The following DNAH14 variants were observed in gnomAD, a reference collection of about 807,000 sequenced individuals.
The protein encoded by DNAH14 is dynein axonemal heavy chain 14.
DNAH14 carries 478 observed loss-of-function variants against 520.9 expected under a neutral mutation model. That is an observed-to-expected ratio of 0.92 (90% CI 0.85 to 0.99). The LOEUF (loss-of-function observed/expected upper bound fraction) is 0.99. Ranked by LOEUF, DNAH14 falls within the 50% of genes least tolerant of loss-of-function variation. The pLI is 0.00. For missense variants in DNAH14, 4,831 were observed against 5,234.5 expected (o/e 0.92, Z 2.38); for synonymous variants, 1,581 against 1,757.2 (o/e 0.90, Z 2.51).
chr1:225,249,995 T>C (rs2092471268), intron 43 of DNAH14, among the ~76,000 whole-genome samples: 1 of 152,242 alleles, frequency 6.6e-6, no homozygotes, highest in Non-Finnish European at 1.5e-5. Context: ...GACATTTAGA[T>C]TGTTTAAAGT....
chr1:225,104,926 A>G (rs987347722), intron 23 of DNAH14, among the ~76,000 whole-genome samples: 9 of 152,096 alleles, frequency 5.9e-5, no homozygotes, highest in African/African-American at 2.2e-4. Context: ...GCCTTCTGCA[A>G]GCTTTTGAAT....
intron 41 of DNAH14, among the ~76,000 whole-genome samples, chr1:225,218,963 C>G (rs944262153): frequency 5.3e-5 from 8 of 152,172 alleles, no homozygotes; most frequent in African/African-American, 1.9e-4. Context: ...TCTCTCAGAC[C>G]ACAGTGCAAT....
At chr1:224,947,100 T>G (rs2059894433) in intron 1 of DNAH14, among the ~76,000 whole-genome samples, 1 of 151,904 alleles carries the variant, frequency 6.6e-6, no homozygotes, top group Non-Finnish European at 1.5e-5. Flanking sequence ...GTATTTTGAG[T>G]AGAGACGGGG....
chr1:225,303,274 G>A lies in DNAH14; in HGVS notation c.8750G>A (p.Arg2917Lys). 1 of 1,551,482 alleles carries A rather than the reference G, an allele frequency of 6.4e-7. No homozygotes were observed. Among genetic ancestry groups the A allele is most frequent in the Non-Finnish European group, 8.7e-7 (1 of 1,146,836 alleles). ...ISSCTIDWYE[R>K]WPEEALLIVA... The stretch of plus-strand genomic sequence containing the variant: ...TCCTGCACGATCGATTGGTATGAGA[G>A]GTGGCCAGAAGAAGCTCTCCTTATT... The change falls in exon 57 of 86, where the codon AGG becomes AAG. Residue 2917 changes from arginine to lysine, a missense_variant. Arg to Lys is a conservative substitution (Grantham distance 26). Coordinates refer to ENST00000682510, the MANE Select transcript of DNAH14 (RefSeq NM_001367479.1).
In DNAH14 at chr1:225,064,100, C is replaced by T. The variant is rs922205256; in HGVS notation, c.2424+12305C>T. Among the ~76,000 whole-genome samples, 7 of 151,918 alleles carry T rather than the reference C, an allele frequency of 4.6e-5. No homozygotes were observed. In the South Asian group the frequency reaches 6.2e-4, roughly 14 times the overall value. ...CCAGACAAAGTACCAATAAAAATAA[C>T]AAGACAACCCAGTAAAAAGTGGGCA... is the stretch of plus-strand genomic sequence containing the variant. On this transcript the variant is annotated intron_variant, in intron 17 of 85. Transcript: ENST00000682510.
rs1479152005 is a variant in DNAH14 at position 225,157,011 on chromosome 1, G to A, written c.5274-2303G>A. Reference sequence around the variant, plus strand: ...ATTACAGGCGTGAGCCACCGCGCCCGGCCTTAAAATTCTTAATCACCTCTT... The same window carrying A: ...ATTACAGGCGTGAGCCACCGCGCCCAGCCTTAAAATTCTTAATCACCTCTT... On this transcript the variant is annotated intron_variant, in intron 34 of 85. Coordinates refer to ENST00000682510, the MANE Select transcript of DNAH14 (RefSeq NM_001367479.1). Among the ~76,000 whole-genome samples, 3 of 109,332 alleles carry A rather than the reference G, an allele frequency of 2.7e-5. 1 individual carries two copies. The highest frequency in any genetic ancestry group is 9.5e-4 in the East Asian group (2 of 2,110). 71.7% of individuals were successfully genotyped at this position (109,332 alleles called of 152,430 possible).
chr1:225,331,546 C>T lies in DNAH14; in HGVS notation c.9833C>T (p.Ser3278Leu), dbSNP rs750868894. The T allele has an allele frequency of 1.3e-4, 202 of 1,551,382 alleles. No homozygotes were observed. Among genetic ancestry groups the T allele is most frequent in the Non-Finnish European group, 1.7e-4 (194 of 1,146,880 alleles). ...TMASRRFQCA[S>L]VLLTVLEDEK... ...GCCAGCAGGCGCTTTCAGTGTGCGTCAGTCTTACTAACTGTCCTGGAAGAT... is the reference window on the plus strand; with the variant it reads ...GCCAGCAGGCGCTTTCAGTGTGCGTTAGTCTTACTAACTGTCCTGGAAGAT... The change falls in exon 65 of 86, where the codon TCA becomes TTA. Residue 3278 changes from serine (S) to leucine (L), a missense_variant. Transcript: ENST00000682510.
intron 12 of DNAH14, among the ~76,000 whole-genome samples, chr1:225,039,222 T>C (rs1445300479): frequency 6.6e-6 from 1 of 152,156 alleles, no homozygotes; most frequent in East Asian, 1.9e-4. Context: ...TTGTATGCTA[T>C]TTTACATAGG....
intron 10 of DNAH14, among the ~76,000 whole-genome samples, chr1:225,015,954 A>T (rs7537947): frequency 0.069 from 10,527 of 152,194 alleles, 1,178 homozygotes; most frequent in African/African-American, 0.24. Context: ...GAGAGGTCTC[A>T]TGTAGCTTTG....
At chr1:225,014,216 C>A (rs2065034252) in intron 10 of DNAH14, among the ~76,000 whole-genome samples, 1 of 152,176 alleles carries the variant, frequency 6.6e-6, no homozygotes. Flanking sequence ...AGGGAGTTCC[C>A]TGACCTCTTG....
chr1:224,960,688 A>AT (rs2125557194), intron 4 of DNAH14, among the ~76,000 whole-genome samples: 1 of 152,132 alleles, frequency 6.6e-6, no homozygotes, highest in South Asian at 2.1e-4. Context: ...ATTTAAATAG[A>AT]TTTTCTTCCA....
chr1:225,260,093 G>A (rs1460708702), intron 46 of DNAH14, among the ~76,000 whole-genome samples: 1 of 152,084 alleles, frequency 6.6e-6, no homozygotes, highest in African/African-American at 2.4e-5. Context: ...TTTCACGCCT[G>A]TAATCCCAGC....
rs530466318 is a variant in DNAH14 at position 224,961,030 on chromosome 1, T to G, written c.367+728T>G. The G allele has an allele frequency of 9.8e-5, 15 of 152,342 alleles. No homozygotes were observed. In the South Asian group the frequency reaches 3.1e-3, roughly 32 times the overall value. The allele number at this position is 152,342 out of a possible 1,614,324, so 9.4% of individuals were successfully genotyped here. On this transcript the variant is annotated intron_variant, in intron 4 of 85. Coordinates refer to ENST00000682510, the MANE Select transcript of DNAH14 (RefSeq NM_001367479.1). ...GTGACTGCTTCTAACTAATAGGTGA[T>G]GGGTTGTCACTGCTGTGATCATATT...
intron 29 of DNAH14, among the ~76,000 whole-genome samples, chr1:225,145,011 G>T (rs1002972865): frequency 6.6e-6 from 1 of 152,018 alleles, no homozygotes; most frequent in Non-Finnish European, 1.5e-5. Context: ...GAAAGACAGA[G>T]AAAAGCAGTA....
intron 36 of DNAH14, among the ~76,000 whole-genome samples, chr1:225,180,478 G>A (rs550341885): frequency 4.0e-4 from 61 of 152,316 alleles, no homozygotes; most frequent in Admixed American, 2.8e-3. Flanking sequence ...TCCACACATG[G>A]CAGAAAGTGA....
chr1:225,148,762 C>T (rs936855271), intron 31 of DNAH14, among the ~76,000 whole-genome samples: 7 of 152,144 alleles, frequency 4.6e-5, no homozygotes. Flanking sequence ...AGTGTCCCTT[C>T]ATGTCCTTTG....
At chr1:225,195,785 C>CA (rs1239542816) in intron 38 of DNAH14, among the ~76,000 whole-genome samples, 1 of 151,110 alleles carries the variant, frequency 6.6e-6, no homozygotes, top group Non-Finnish European at 1.5e-5. Context: ...AGCTATTATT[C>CA]AAAAAAAAGT....
At chr1:225,244,463 A>G (rs1036101362) in intron 43 of DNAH14, among the ~76,000 whole-genome samples, 4 of 151,954 alleles carry the variant, frequency 2.6e-5, no homozygotes, top group African/African-American at 7.2e-5. Flanking sequence ...TAGAATTTGG[A>G]TGTGAATCCA....
At chr1:225,151,183 CAT>C (rs1034963042) in intron 31 of DNAH14, among the ~76,000 whole-genome samples, 4 of 152,146 alleles carry the variant, frequency 2.6e-5, no homozygotes, top group Admixed American at 1.3e-4. Context: ...TTTTAATACT[CAT>C]ATGATTTATG....
Sources: gnomAD v4.1 joint callset for allele counts (sites outside exome capture counted in the v4.1 genomes callset) on GRCh38, gnomAD v4.1.1 for gene constraint, MANE v1.5 for transcripts, NCBI Gene and HGNC (gene_info 2026-07-23, HGNC 2026-07-21) for gene names.